MAN2A1: variants seen among roughly 807,000 people sequenced by gnomAD.
MAN2A1 encodes the protein mannosidase alpha class 2A member 1.
A neutral mutation model predicts 142.6 loss-of-function variants in MAN2A1; 76 were observed. The observed-to-expected ratio is 0.53, with a 90% CI of 0.44 to 0.65. The LOEUF (loss-of-function observed/expected upper bound fraction) is 0.65. MAN2A1 is among the 30% of genes least tolerant of loss of function. The pLI, the probability that MAN2A1 is intolerant of heterozygous loss-of-function variation, is 0.00. For synonymous variants in MAN2A1, 559 were observed against 473.2 expected (o/e 1.18, Z -2.35); for missense variants, 1,311 against 1,365.1 (o/e 0.96, Z 0.62).
chr5:109,863,989 C>T (rs1755818643), intron 20 of MAN2A1: 1 of 152,188 alleles, frequency 6.6e-6, no homozygotes, highest in African/African-American at 2.4e-5. Flanking sequence ...CAGCTTTAAA[C>T]TGTTCAGGCA....
chr5:109,841,597 C>T (rs950144072), intron 16 of MAN2A1, among the ~76,000 whole-genome samples: 6 of 152,138 alleles, frequency 3.9e-5, no homozygotes, highest in Non-Finnish European at 8.8e-5. Context: ...AGTAGAATGA[C>T]AGAAACTAGT....
At chr5:109,866,528 A>G (rs1755888325) in intron 21 of MAN2A1, among the ~76,000 whole-genome samples, 1 of 152,176 alleles carries the variant, frequency 6.6e-6, no homozygotes, top group Non-Finnish European at 1.5e-5. Flanking sequence ...GTGCATGATA[A>G]AATTCTCAAG....
chr5:109,740,612 G>A (rs1188700348), intron 4 of MAN2A1, among the ~76,000 whole-genome samples: 1 of 152,164 alleles, frequency 6.6e-6, no homozygotes, highest in African/African-American at 2.4e-5. Flanking sequence ...TGCAGAGGGG[G>A]ACTCACACAA....
At chr5:109,861,138 CTGAG>C (rs1210164915) in intron 20 of MAN2A1, among the ~76,000 whole-genome samples, 1 of 152,112 alleles carries the variant, frequency 6.6e-6, no homozygotes, top group Non-Finnish European at 1.5e-5. Context: ...ACTTAACTCT[CTGAG>C]TGTCAGGCTA....
At chr5:109,807,429 A>G (rs181933805) in intron 12 of MAN2A1, among the ~76,000 whole-genome samples, 4 of 152,352 alleles carry the variant, frequency 2.6e-5, no homozygotes, top group Admixed American at 1.3e-4. Flanking sequence ...TTTGGGGGTC[A>G]GAAGTTCAAG....
At chr5:109,755,922 T>C (rs1752676987) in intron 5 of MAN2A1, among the ~76,000 whole-genome samples, 1 of 152,082 alleles carries the variant, frequency 6.6e-6, no homozygotes, top group African/African-American at 2.4e-5. Context: ...CTTGTTTTGC[T>C]GGGTTTCTTC....
At chr5:109,796,453 C>G (rs913284257) in intron 12 of MAN2A1, among the ~76,000 whole-genome samples, 2 of 152,164 alleles carry the variant, frequency 1.3e-5, no homozygotes, top group African/African-American at 4.8e-5. Flanking sequence ...TTATTTTCAG[C>G]TCAACTTTAA....
At chr5:109,864,615 G>C (rs953730130) in intron 20 of MAN2A1, 1 of 154,776 alleles carries the variant, frequency 6.5e-6, no homozygotes, top group Admixed American at 6.4e-5. Flanking sequence ...TTTTAAGTTA[G>C]ATGGTATGTC....
rs1755950745 is a variant in MAN2A1 at position 109,868,994 on chromosome 5, T to C, written c.*1996T>C. On this transcript the variant is annotated 3_prime_UTR_variant, in exon 22 of 22. Transcript: ENST00000261483. Reference sequence around the variant, plus strand: ...TTTTGCCACTTCTGGTTGTTTGCGATGGATCTGTCCCATGTCAGTCTGGGG... The same window carrying C: ...TTTTGCCACTTCTGGTTGTTTGCGACGGATCTGTCCCATGTCAGTCTGGGG... 1 of 152,244 alleles carries C rather than the reference T, an allele frequency of 6.6e-6. No individual in the cohort carries two copies. The highest frequency in any genetic ancestry group is 6.5e-5 in the Admixed American group (1 of 15,288). 9.4% of individuals were successfully genotyped at this position (152,244 alleles called of 1,614,324 possible).
chr5:109,829,432 A>G (rs1285614635), intron 16 of MAN2A1, among the ~76,000 whole-genome samples: 6 of 152,194 alleles, frequency 3.9e-5, no homozygotes, highest in African/African-American at 1.2e-4. Flanking sequence ...AAACATTCTC[A>G]TAACAAGCAG....
At chr5:109,800,567 G>T (rs2301012) in intron 12 of MAN2A1, among the ~76,000 whole-genome samples, 57,380 of 151,956 alleles carry the variant, frequency 0.38, 11,757 homozygotes, top group African/African-American at 0.54. Flanking sequence ...TATTTTAAAA[G>T]ACTTAAATGT....
intron 4 of MAN2A1, among the ~76,000 whole-genome samples, chr5:109,736,236 A>T (rs1203806676): frequency 6.6e-6 from 1 of 152,220 alleles, no homozygotes; most frequent in Admixed American, 6.5e-5. Context: ...AACAGATCAC[A>T]TCAGCATTTC....
intron 1 of MAN2A1, among the ~76,000 whole-genome samples, chr5:109,700,151 C>T (rs1237442885): frequency 6.6e-6 from 1 of 152,060 alleles, no homozygotes; most frequent in East Asian, 1.9e-4. Flanking sequence ...TTGTTAGCGT[C>T]AGAGGAAATA....
intron 1 of MAN2A1, among the ~76,000 whole-genome samples, chr5:109,692,466 T>C (rs992644224): frequency 3.9e-5 from 6 of 152,192 alleles, no homozygotes; most frequent in African/African-American, 1.4e-4. Context: ...AAGACCCCTC[T>C]GTAAGCTTAA....
chr5:109,837,523 G>T (rs955824679), intron 16 of MAN2A1, among the ~76,000 whole-genome samples: 6 of 152,088 alleles, frequency 3.9e-5, no homozygotes, highest in African/African-American at 1.4e-4. Flanking sequence ...GTTTAGTCCT[G>T]GTTCTGCCAG....
intron 12 of MAN2A1, among the ~76,000 whole-genome samples, chr5:109,803,581 G>A (rs1754087178): frequency 2.0e-5 from 3 of 151,994 alleles, no homozygotes; most frequent in African/African-American, 7.2e-5. Context: ...GAATTATGAT[G>A]AGGTATTTTG....
chr5:109,739,543 G>A (rs538336634), intron 4 of MAN2A1, among the ~76,000 whole-genome samples: 1 of 152,132 alleles, frequency 6.6e-6, no homozygotes, highest in Non-Finnish European at 1.5e-5. Flanking sequence ...GTCTTTTCTG[G>A]CTTTGAGTAT....
chr5:109,830,516 TC>T (rs1454429870), intron 16 of MAN2A1, among the ~76,000 whole-genome samples: 5 of 152,224 alleles, frequency 3.3e-5, no homozygotes, highest in Non-Finnish European at 7.3e-5. Flanking sequence ...GGGGCTTCCA[TC>T]CCTGGAGTCT....
chr5:109,770,955 T>C (rs994205541), intron 7 of MAN2A1, among the ~76,000 whole-genome samples: 3 of 152,224 alleles, frequency 2.0e-5, no homozygotes, highest in Admixed American at 2.0e-4. Context: ...AGTGTAATTA[T>C]CTGTTCCCTT....
Sources: gnomAD v4.1 joint callset for allele counts (sites outside exome capture counted in the v4.1 genomes callset) on GRCh38, gnomAD v4.1.1 for gene constraint, MANE v1.5 for transcripts, NCBI Gene and HGNC (gene_info 2026-07-23, HGNC 2026-07-21) for gene names.